The following SLC14A2 variants were observed in gnomAD, a reference collection of about 807,000 sequenced individuals.
SLC14A2 encodes the protein urea transporter 2.
SLC14A2 carries 91 observed loss-of-function variants against 104.6 expected under a neutral mutation model. That is an observed-to-expected ratio of 0.87 (90% CI 0.73 to 1.04). SLC14A2 has a LOEUF of 1.04. SLC14A2 is among the 50% of genes least tolerant of loss of function. SLC14A2 has a pLI of 0.00. For synonymous variants in SLC14A2, 476 were observed against 466.4 expected, an observed-to-expected ratio of 1.02 and a Z score of -0.27; for missense variants, 1,189 against 1,156.0, an observed-to-expected ratio of 1.03 and a Z score of -0.41.
intron 1 of SLC14A2, among the ~76,000 whole-genome samples, chr18:45,233,980 TA>T (rs2084201492): frequency 2.6e-5 from 4 of 151,830 alleles, no homozygotes; most frequent in Admixed American, 2.6e-4. Context: ...TAATAATAGA[TA>T]AAGAAAGACC....
intron 1 of SLC14A2, among the ~76,000 whole-genome samples, chr18:45,397,845 T>A (rs1341169087): frequency 2.0e-5 from 3 of 152,152 alleles, no homozygotes; most frequent in Non-Finnish European, 4.4e-5. Context: ...TTCAAAGAGA[T>A]ACCGAGAAAA....
rs775268524 is a variant in SLC14A2 at position 45,475,385 on chromosome 18, G to A, written c.-124-7848G>A. 1.5e-4 allele frequency among the ~76,000 whole-genome samples: 23 copies of A among 151,530 alleles called. 1 individual carries two copies. Among genetic ancestry groups the A allele is most frequent in the Non-Finnish European group, 3.1e-4 (21 of 67,900 alleles). On this transcript the variant is annotated intron_variant, in intron 1 of 20. Coordinates refer to the SLC14A2 transcript ENST00000586448. ...GGGGAGTTCTTTAGATGTCTGCTTG[G>A]TCCAGAGCTGAGTTCAAGTCCTGAA...
intron 2 of SLC14A2, among the ~76,000 whole-genome samples, chr18:45,518,022 C>CATAATA (rs747822440): frequency 2.4e-4 from 37 of 151,180 alleles, no homozygotes; most frequent in African/African-American, 9.1e-4. Flanking sequence ...ATCTTAACTC[C>CATAATA]ATAATAATAA....
chr18:45,356,462 T>G (rs150716173), intron 1 of SLC14A2, among the ~76,000 whole-genome samples: 127 of 152,302 alleles, frequency 8.3e-4, no homozygotes, highest in African/African-American at 3.0e-3. Context: ...GTATCCCACT[T>G]ACAGATGCCA....
intron 1 of SLC14A2, among the ~76,000 whole-genome samples, chr18:45,253,491 C>T (rs1253768126): frequency 1.3e-5 from 2 of 149,800 alleles, no homozygotes; most frequent in Non-Finnish European, 3.0e-5. Flanking sequence ...AACAGACATT[C>T]ATTACAACTT....
At position 45,390,822 on chromosome 18, in the gene SLC14A2, ATTG is replaced by A. The variant is rs539434110; in HGVS notation, c.-124-92399_-124-92397del. Among the ~76,000 whole-genome samples, 17 of 152,268 alleles carry A rather than the reference ATTG, an allele frequency of 1.1e-4. 1 individual carries two copies. In the East Asian group the frequency reaches 2.5e-3, roughly 22 times the overall value. ...ACAATAACCAGGTGAGACACTCAAT[ATTG>A]TTGTTGTTGTTTTGCCATAAAATTA... On this transcript the variant is annotated intron_variant, in intron 1 of 20. Coordinates refer to the SLC14A2 transcript ENST00000586448.
At chr18:45,523,533 C>T (rs543466012) in intron 2 of SLC14A2, among the ~76,000 whole-genome samples, 1 of 140,994 alleles carries the variant, frequency 7.1e-6, no homozygotes, top group Non-Finnish European at 1.5e-5. Flanking sequence ...ACGGGGTTTA[C>T]ACCATGTTGG....
intron 2 of SLC14A2, among the ~76,000 whole-genome samples, chr18:45,557,034 C>T (rs1295707692): frequency 6.6e-6 from 1 of 152,220 alleles, no homozygotes; most frequent in Non-Finnish European, 1.5e-5. Context: ...GCATCACTCC[C>T]CGCATAGGGT....
At chr18:45,584,328 T>A (rs1011413371) in intron 2 of SLC14A2, among the ~76,000 whole-genome samples, 3 of 152,206 alleles carry the variant, frequency 2.0e-5, no homozygotes, top group African/African-American at 4.8e-5. Flanking sequence ...TAACAGAAAC[T>A]CATGCCTCAT....
At chr18:45,350,599 A>G (rs556225774) in intron 1 of SLC14A2, among the ~76,000 whole-genome samples, 98 of 152,276 alleles carry the variant, frequency 6.4e-4, no homozygotes, top group African/African-American at 1.9e-3. Flanking sequence ...CACATTAGGT[A>G]CCTAATTGAT....
At chr18:45,605,985 A>G (rs2044860703) in intron 2 of SLC14A2, among the ~76,000 whole-genome samples, 1 of 152,160 alleles carries the variant, frequency 6.6e-6, no homozygotes, top group African/African-American at 2.4e-5. Context: ...GAAATAACAC[A>G]TTTCCCACTG....
chr18:45,187,115 AC>A, the SLC14A2 span, among the ~76,000 whole-genome samples: 1 of 152,164 alleles, frequency 6.6e-6, no homozygotes, highest in Non-Finnish European at 1.5e-5. Context: ...TTAAATCACC[AC>A]CCAGGAATAT....
intron 1 of SLC14A2, among the ~76,000 whole-genome samples, chr18:45,386,011 T>C (rs983823256): frequency 9.9e-5 from 15 of 152,208 alleles, no homozygotes; most frequent in African/African-American, 3.6e-4. Flanking sequence ...GAGCTTAGGG[T>C]CTATTTGAAG....
At chr18:45,200,087 T>A in the SLC14A2 span, among the ~76,000 whole-genome samples, 1 of 152,154 alleles carries the variant, frequency 6.6e-6, no homozygotes, top group East Asian at 1.9e-4. Context: ...ATCCTTGAAT[T>A]TTTTTCTTAA....
upstream of SLC14A2, among the ~76,000 whole-genome samples, chr18:45,212,103 C>T (rs1003115747): frequency 6.6e-6 from 1 of 151,782 alleles, no homozygotes; most frequent in Admixed American, 6.6e-5. Flanking sequence ...AATAATTATC[C>T]TGGGGTGAAG....
intron 1 of SLC14A2, among the ~76,000 whole-genome samples, chr18:45,469,538 TGAAG>T (rs1396524417): frequency 6.6e-6 from 1 of 152,084 alleles, no homozygotes; most frequent in East Asian, 1.9e-4. Flanking sequence ...GTGTGGGGAA[TGAAG>T]GATGAGGTGG....
chr18:45,334,625 C>T lies in SLC14A2; in HGVS notation c.-125+121434C>T, dbSNP rs541214956. Among the ~76,000 whole-genome samples the T allele has an allele frequency of 2.6e-4, 39 of 152,292 alleles. 1 individual carries two copies. The highest frequency in any genetic ancestry group is 8.9e-4 in the African/African-American group (37 of 41,550). The stretch of plus-strand genomic sequence containing the variant: ...TTTGAATGTACATTCTAGATGACCC[C>T]TCACATTTAGAACCCATTTTGCCTT... On this transcript the variant is annotated intron_variant, in intron 1 of 20. Transcript: ENST00000586448.
intron 1 of SLC14A2, among the ~76,000 whole-genome samples, chr18:45,305,762 A>G (rs2085014086): frequency 6.6e-6 from 1 of 152,222 alleles, no homozygotes; most frequent in African/African-American, 2.4e-5. Context: ...CATAAAACTG[A>G]AAACTGCATT....
intron 1 of SLC14A2, among the ~76,000 whole-genome samples, chr18:45,282,828 C>CTTTT (rs1232887726): frequency 0.011 from 458 of 41,016 alleles, 3 homozygotes; most frequent in African/African-American, 0.044. Context: ...TACCTCCCTC[C>CTTTT]CTTCCTTTCT....
Sources: gnomAD v4.1 joint callset for allele counts (sites outside exome capture counted in the v4.1 genomes callset) on GRCh38, gnomAD v4.1.1 for gene constraint, MANE v1.5 for transcripts, NCBI Gene and HGNC (gene_info 2026-07-23, HGNC 2026-07-21) for gene names.